Variants in DACH2 observed in about 807,000 individuals in gnomAD.
DACH2 encodes dachshund family transcription factor 2.
In DACH2, 17 loss-of-function variants were observed where a neutral mutation model predicts 35.8. That is an observed-to-expected ratio of 0.48 (90% confidence interval 0.33 to 0.71). The LOEUF is 0.71. Among genes scored for constraint, DACH2 ranks in the 30% least tolerant of loss-of-function variants. The pLI is 0.02. For missense variants in DACH2, 469 were observed against 472.7 expected, an observed-to-expected ratio of 0.99 and a Z score of 0.07; for synonymous variants, 195 against 177.3, an observed-to-expected ratio of 1.10 and a Z score of -0.79.
chrX:86,184,811 C>T (rs1256792086), intron 1 of DACH2, among the ~76,000 whole-genome samples: 3 of 111,498 alleles, frequency 2.7e-5, no homozygotes, highest in African/African-American at 6.5e-5. Context: ...TGAGGGCTAC[C>T]GGACACAGAT....
chrX:86,273,608 C>T (rs748371241), intron 1 of DACH2, among the ~76,000 whole-genome samples: 2 of 111,961 alleles, frequency 1.8e-5, no homozygotes, highest in Non-Finnish European at 3.8e-5. Context: ...TTTCAGCATA[C>T]ACCATCTACA....
At chrX:86,608,349 T>G (rs1044065311) in intron 3 of DACH2, among the ~76,000 whole-genome samples, 1 of 111,671 alleles carries the variant, frequency 9.0e-6, no homozygotes, top group African/African-American at 3.3e-5. Flanking sequence ...CATTGTGGAA[T>G]TCAGTGTGGC....
At chrX:86,446,071 C>T (rs901813937) in intron 2 of DACH2, among the ~76,000 whole-genome samples, 5 of 110,845 alleles carry the variant, frequency 4.5e-5, no homozygotes, top group Admixed American at 3.9e-4. Flanking sequence ...ATTATATTCT[C>T]TTGCTGAATT....
intron 4 of DACH2, among the ~76,000 whole-genome samples, chrX:86,675,051 A>G (rs189138185): frequency 8.8e-4 from 98 of 111,937 alleles, no homozygotes; most frequent in African/African-American, 3.1e-3. Context: ...TTGCATTTGC[A>G]TATATGCACA....
intron 1 of DACH2, among the ~76,000 whole-genome samples, chrX:86,333,839 T>C (rs1378078093): frequency 9.0e-6 from 1 of 111,378 alleles, no homozygotes; most frequent in Admixed American, 9.6e-5. Context: ...ACACTTGCCA[T>C]GGTGGTTTGC....
chrX:86,163,286 G>T (rs952808334), intron 1 of DACH2, among the ~76,000 whole-genome samples: 1 of 111,107 alleles, frequency 9.0e-6, no homozygotes, highest in African/African-American at 3.3e-5. Context: ...ACAAATAAGT[G>T]AGAACATGTG....
Position 86,784,144 on chromosome X carries a change from TA to T in DACH2, c.1241-28702del, listed in dbSNP as rs1278713028. Among the ~76,000 whole-genome samples the T allele has an allele frequency of 2.6e-3, 272 of 103,383 alleles. 1 individual carries two copies. The highest frequency in any genetic ancestry group is 8.9e-3 in the African/African-American group (256 of 28,605). The allele number at this position is 103,383 out of a possible 115,157, so 89.8% of individuals were successfully genotyped here. A position where few individuals can be genotyped will look rare whatever the true frequency, so the allele number is the denominator to read the frequency against. On this transcript the variant is annotated intron_variant, in intron 7 of 11. Transcript: ENST00000373125. ...CAATGTACGGATAAAAGATAAAAAT[TA>T]AAAAAAAAACTAAAAAGGAAACAAT... is the stretch of plus-strand genomic sequence containing the variant.
intron 2 of DACH2, among the ~76,000 whole-genome samples, chrX:86,441,347 C>T (rs989320942): frequency 1.8e-5 from 2 of 111,141 alleles, no homozygotes; most frequent in Non-Finnish European, 3.8e-5. Context: ...TTTTTAGGTG[C>T]CACAAATGAG....
intron 11 of DACH2, among the ~76,000 whole-genome samples, chrX:86,827,099 G>A (rs967803019): frequency 2.7e-5 from 3 of 111,731 alleles, no homozygotes; most frequent in African/African-American, 9.7e-5. Context: ...CATGAACCTT[G>A]GGTAGGAAAA....
At chrX:86,562,081 C>T (rs1027743384) in intron 3 of DACH2, among the ~76,000 whole-genome samples, 1 of 108,962 alleles carries the variant, frequency 9.2e-6, no homozygotes, top group African/African-American at 3.3e-5. Flanking sequence ...TTCCCACCAA[C>T]ACATACTTCT....
chrX:86,264,213 GA>G lies in DACH2; in HGVS notation c.489-112604del, dbSNP rs200420486. Among the ~76,000 whole-genome samples the G allele has an allele frequency of 4.8e-3, 533 of 111,610 alleles. 3 individuals are homozygous for G. The highest frequency in any genetic ancestry group is 0.016 in the African/African-American group (483 of 30,829). On this transcript the variant is annotated intron_variant, in intron 1 of 11. Coordinates refer to ENST00000373125, the MANE Select transcript of DACH2 (RefSeq NM_053281.3). ...TTGAGCAAAACTAGCAAATTTGTAG[GA>G]AAAAAAGGTAAAATCAAATTACTAA...
chrX:86,641,620 T>C (rs1337549884), intron 3 of DACH2, among the ~76,000 whole-genome samples: 1 of 111,301 alleles, frequency 9.0e-6, no homozygotes, highest in Non-Finnish European at 1.9e-5. Flanking sequence ...CAAGATTCTA[T>C]ACAAGAAGAT....
chrX:86,382,202 GC>G (rs781560561), intron 2 of DACH2, among the ~76,000 whole-genome samples: 1 of 108,610 alleles, frequency 9.2e-6, no homozygotes, highest in Non-Finnish European at 1.9e-5. Flanking sequence ...TGAGACACGT[GC>G]CCCCTTTATT....
chrX:86,555,300 A>G lies in DACH2; in HGVS notation c.640+40909A>G, dbSNP rs928729245. 1.2e-4 allele frequency among the ~76,000 whole-genome samples: 13 copies of G among 111,855 alleles called. No individual in the cohort carries two copies. In the Admixed American group the frequency reaches 1.2e-3, roughly 11 times the overall value. On this transcript the variant is annotated intron_variant, in intron 3 of 11. Transcript: ENST00000373125. ...TGTAAAAGTAATGAGTTTTGTAGAA[A>G]GTTGTCTTTTCACATGTGATCAATA... is the stretch of plus-strand genomic sequence containing the variant.
rs185963733 is a variant in DACH2, at chrX:86,476,899, C to T, written c.528-37380C>T. On this transcript the variant is annotated intron_variant, in intron 2 of 11. Coordinates refer to ENST00000373125, the MANE Select transcript of DACH2 (RefSeq NM_053281.3). The stretch of plus-strand genomic sequence containing the variant: ...TTTTCAATTTTCTTCTTAATTTCTT[C>T]ATTGAGCCACTGGTCATTCAGCAGC... 3.6e-5 allele frequency among the ~76,000 whole-genome samples: 4 copies of T among 111,337 alleles called. No individual in the cohort carries two copies. In the East Asian group the frequency reaches 1.1e-3, roughly 32 times the overall value.
At chrX:86,392,725 T>A (rs16980557) in intron 2 of DACH2, among the ~76,000 whole-genome samples, 9,829 of 111,688 alleles carry the variant, frequency 0.088, 1,073 homozygotes, top group African/African-American at 0.3. Context: ...TAGATATTGC[T>A]TACTCACCTG....
intron 2 of DACH2, among the ~76,000 whole-genome samples, chrX:86,443,129 T>C (rs2037198858): frequency 8.9e-6 from 1 of 111,963 alleles, no homozygotes; most frequent in Admixed American, 9.6e-5. Context: ...GATATTTTAA[T>C]AGAGATTGCA....
intron 7 of DACH2, among the ~76,000 whole-genome samples, chrX:86,745,778 T>C (rs2041705905): frequency 9.0e-6 from 1 of 111,605 alleles, no homozygotes; most frequent in Admixed American, 9.6e-5. Flanking sequence ...GCTCAAATGG[T>C]AGTTCTATTT....
intron 1 of DACH2, among the ~76,000 whole-genome samples, chrX:86,315,191 T>C (rs1370634480): frequency 8.9e-6 from 1 of 112,081 alleles, no homozygotes; most frequent in South Asian, 3.7e-4. Flanking sequence ...TTAAAAAATA[T>C]GCTAAATCTA....
Sources: gnomAD v4.1 joint callset for allele counts (sites outside exome capture counted in the v4.1 genomes callset) on GRCh38, gnomAD v4.1.1 for gene constraint, MANE v1.5 for transcripts, NCBI Gene and HGNC (gene_info 2026-07-23, HGNC 2026-07-21) for gene names.